KNTC1: variants seen among roughly 807,000 people sequenced by gnomAD.
KNTC1 encodes the protein kinetochore-associated protein 1.
A neutral mutation model predicts 314.4 loss-of-function variants in KNTC1; 253 were observed. The ratio of observed to expected loss-of-function variants is 0.80; its 90% CI spans 0.73 to 0.89. KNTC1 has a LOEUF of 0.89. Ranked by LOEUF, KNTC1 falls within the 40% of genes least tolerant of loss-of-function variation. KNTC1 has a pLI of 0.00. For synonymous variants in KNTC1, 901 were observed against 901.4 expected (o/e 1.00, Z 0.01); for missense variants, 2,475 against 2,572.9 (o/e 0.96, Z 0.82).
rs1358778916 is a variant in KNTC1, at chr12:122,609,723, C to A, written c.5543+293C>A. On this transcript the variant is annotated intron_variant, in intron 52 of 63. Transcript: ENST00000333479. ...AACTCTTTCTTAGCTAGGACTTTGG[C>A]CCCAGACCCTTTTATGTTCTCTTAC... 2.0e-5 allele frequency among the ~76,000 whole-genome samples: 3 copies of A among 152,030 alleles called. No individual in the cohort carries two copies. In the East Asian group the frequency reaches 5.8e-4, roughly 29 times the overall value.
At position 122,585,036 on chromosome 12, in the gene KNTC1, T is replaced by A. The variant is rs147730513; in HGVS notation, c.3534+46T>A. On this transcript the variant is annotated intron_variant, in intron 36 of 63. Coordinates refer to ENST00000333479, the MANE Select transcript of KNTC1 (RefSeq NM_014708.6). Reference sequence around the variant, plus strand: ...TTCCCTTAAATCCTGGGCAACGCATTATGCACCTTTTTTTTTTTTCGGACA... The same window carrying A: ...TTCCCTTAAATCCTGGGCAACGCATAATGCACCTTTTTTTTTTTTCGGACA... 427 of 1,119,190 alleles carry A rather than the reference T, an allele frequency of 3.8e-4. 1 individual carries two copies. The African/African-American group carries it at 5.9e-3, about 15-fold the overall frequency. 69.3% of individuals were successfully genotyped at this position (1,119,190 alleles called of 1,614,324 possible). A position where few individuals can be genotyped will look rare whatever the true frequency, so the allele number is the denominator to read the frequency against.
chr12:122,564,528 C>T (rs1010167794), intron 20 of KNTC1, among the ~76,000 whole-genome samples: 4 of 151,902 alleles, frequency 2.6e-5, no homozygotes, highest in African/African-American at 9.7e-5. Flanking sequence ...GCCTGTAATC[C>T]CAACACTTTG....
chr12:122,553,160 GAAA>G (rs373313055), intron 16 of KNTC1, among the ~76,000 whole-genome samples: 4 of 134,536 alleles, frequency 3.0e-5, no homozygotes, highest in Admixed American at 7.6e-5. Context: ...CTGTCTCAGG[GAAA>G]AAAAAAAAAA....
At chr12:122,541,341 C>G (rs1565934870) in intron 5 of KNTC1, among the ~76,000 whole-genome samples, 1 of 148,160 alleles carries the variant, frequency 6.7e-6, no homozygotes, top group Non-Finnish European at 1.5e-5. Flanking sequence ...TCCTCTGTCT[C>G]TCCCTCTCTT....
In KNTC1 at chr12:122,544,142, T is replaced by A; in HGVS notation, c.559-17T>A. ...ATATGTATTATATATATGACGTTGT[T>A]GTTTTTAATTTTGCAGTTACAAGGA... On this transcript the variant is annotated splice_polypyrimidine_tract_variant and intron_variant, in intron 7 of 63. Coordinates refer to ENST00000333479, the MANE Select transcript of KNTC1 (RefSeq NM_014708.6). 1.9e-6 allele frequency: 2 copies of A among 1,078,294 alleles called. No individual in the cohort carries two copies. Among genetic ancestry groups the A allele is most frequent in the Non-Finnish European group, 1.4e-6 (1 of 723,654 alleles). The allele number at this position is 1,078,294 out of a possible 1,614,324, so 66.8% of individuals were successfully genotyped here.
At chr12:122,543,768 T>C in intron 7 of KNTC1, 134 bp downstream of exon 7, 1 of 616,850 alleles carries the variant, frequency 1.6e-6, no homozygotes, top group Admixed American at 3.5e-5. Context: ...TAATAACATT[T>C]CTATTTAAAA....
chr12:122,572,503 C>T (rs989497335), intron 24 of KNTC1, among the ~76,000 whole-genome samples: 4 of 152,118 alleles, frequency 2.6e-5, no homozygotes, highest in Non-Finnish European at 4.4e-5. Flanking sequence ...GCTTTTTCCT[C>T]TTGCTGTAAA....
Position 122,557,400 on chromosome 12 carries a change from A to G in KNTC1, c.1289A>G (p.Lys430Arg), listed in dbSNP as rs1190357240. The G allele has an allele frequency of 1.2e-6, 2 of 1,613,474 alleles. No homozygotes were observed. The highest frequency in any genetic ancestry group is 1.7e-6 in the Non-Finnish European group (2 of 1,179,650). The change falls in exon 17 of 64, where the codon AAG (lysine) becomes AGG (arginine). Residue 430 changes from lysine (K) to arginine (R), a missense_variant. Coordinates refer to ENST00000333479, the MANE Select transcript of KNTC1 (RefSeq NM_014708.6). ...ATATTACAGCTTGTTTACAAGGTCA[A>G]GTCAAATCATATATTGGAGAAACTG... is the stretch of plus-strand genomic sequence containing the variant. Reference protein sequence around the residue: ...GLDVELVYKVKSNHILEKLAL... With the variant: ...GLDVELVYKVRSNHILEKLAL...
At chr12:122,547,766 C>T in intron 11 of KNTC1, 149 bp from the exon 12 acceptor site, 1 of 608,730 alleles carries the variant, frequency 1.6e-6, no homozygotes, top group South Asian at 2.2e-5. Flanking sequence ...AATACAGTGT[C>T]TATTACATTT....
chr12:122,527,616 C>T (rs1960815675), intron 1 of KNTC1: 1 of 152,254 alleles, frequency 6.6e-6, no homozygotes, highest in Non-Finnish European at 1.5e-5. Context: ...TAAAATCAGA[C>T]CACTCGTTTG....
At chr12:122,584,706 C>G (rs927397737) in intron 35 of KNTC1, among the ~76,000 whole-genome samples, 187 bp from the exon 36 acceptor site, 2 of 152,160 alleles carry the variant, frequency 1.3e-5, no homozygotes, top group African/African-American at 4.8e-5. Context: ...CCTCCCATAT[C>G]TGATCTTATT....
At chr12:122,615,405 TATTTCACA>T (rs1274911735) in intron 56 of KNTC1, 57 bp from the exon 57 acceptor site, 3 of 1,287,706 alleles carry the variant, frequency 2.3e-6, no homozygotes, top group African/African-American at 3.0e-5. Context: ...TAACATCTGG[TATTTCACA>T]TTGAAATTTT....
rs1158801151 is a variant in KNTC1 at position 122,615,198 on chromosome 12, GTCACTC to G, written c.5973+118_5973+123del. ...GGAACAGATTTATGCTGAAAACACA[GTCACTC>G]TCACTGAGCTCATGCCAAACTTAAA... is the stretch of plus-strand genomic sequence containing the variant. On this transcript the variant is annotated intron_variant, in intron 56 of 63. Coordinates refer to ENST00000333479, the MANE Select transcript of KNTC1 (RefSeq NM_014708.6). 5 of 862,872 alleles carry G rather than the reference GTCACTC, an allele frequency of 5.8e-6. No individual in the cohort carries two copies. In the African/African-American group the frequency reaches 8.5e-5, roughly 15 times the overall value. 53.5% of individuals were successfully genotyped at this position (862,872 alleles called of 1,614,324 possible).
At chr12:122,572,815 G>GC in intron 24 of KNTC1, 122 bp from the exon 25 acceptor site, 2 of 721,816 alleles carry the variant, frequency 2.8e-6, no homozygotes, top group Non-Finnish European at 4.4e-6. Context: ...GTTTAAAGTT[G>GC]CAGGTTTCCT....
chr12:122,540,225 T>C (rs1423169041), intron 5 of KNTC1, among the ~76,000 whole-genome samples: 1 of 149,716 alleles, frequency 6.7e-6, no homozygotes, highest in Admixed American at 6.7e-5. Flanking sequence ...CAGGCTGGAG[T>C]GCAATGGCAC....
intron 28 of KNTC1, 25 bp downstream of exon 28, chr12:122,575,671 T>C (rs1039665488): frequency 6.5e-7 from 1 of 1,531,086 alleles, no homozygotes; most frequent in Non-Finnish European, 8.9e-7. Context: ...TACGAAACAA[T>C]GTTGTTATGC....
chr12:122,558,050 G>A (rs1479493478), intron 18 of KNTC1, among the ~76,000 whole-genome samples: 3 of 152,086 alleles, frequency 2.0e-5, no homozygotes, highest in African/African-American at 4.8e-5. Context: ...AGGAGCTGGA[G>A]ACCAGCCTGG....
Position 122,541,686 on chromosome 12 carries a change from C to T in KNTC1, c.446-364C>T, listed in dbSNP as rs927260721. Among the ~76,000 whole-genome samples, 5 of 152,036 alleles carry T rather than the reference C, an allele frequency of 3.3e-5. No individual in the cohort carries two copies. In the South Asian group the frequency reaches 1.0e-3, roughly 32 times the overall value. On this transcript the variant is annotated intron_variant, in intron 5 of 63. Transcript: ENST00000333479. The stretch of plus-strand genomic sequence containing the variant: ...TCTTTCTTCAAAAGCCACGTTCAAA[C>T]AGACACTGGTTTAAATTTTATATCC...
chr12:122,608,492 A>G (rs188901715), intron 51 of KNTC1, among the ~76,000 whole-genome samples: 1 of 152,284 alleles, frequency 6.6e-6, no homozygotes, highest in Non-Finnish European at 1.5e-5. Context: ...AAGGATTTTT[A>G]AAGTATTTAC....
Sources: gnomAD v4.1 joint callset for allele counts (sites outside exome capture counted in the v4.1 genomes callset) on GRCh38, gnomAD v4.1.1 for gene constraint, MANE v1.5 for transcripts, NCBI Gene and HGNC (gene_info 2026-07-23, HGNC 2026-07-21) for gene names.